LRFN5: variants seen among roughly 807,000 people sequenced by gnomAD.
LRFN5 encodes the protein leucine-rich repeat and fibronectin type-III domain-containing protein 5.
LRFN5 carries 24 observed loss-of-function variants against 45.6 expected under a neutral mutation model. That is an observed-to-expected ratio of 0.53 (90% CI 0.38 to 0.74). The LOEUF (loss-of-function observed/expected upper bound fraction) is 0.74, where lower values mean the gene tolerates loss of function less well. Among genes scored for constraint, LRFN5 ranks in the 30% least tolerant of loss-of-function variants. The pLI is 0.00. For missense variants in LRFN5, 776 were observed against 861.5 expected (o/e 0.90, Z 1.24); for synonymous variants, 340 against 313.8 (o/e 1.08, Z -0.88).
intron 1 of LRFN5, among the ~76,000 whole-genome samples, chr14:41,620,444 C>A (rs1268562693): frequency 2.0e-5 from 3 of 151,896 alleles, no homozygotes; most frequent in Non-Finnish European, 4.4e-5. Flanking sequence ...CTTGTGTATA[C>A]CATTGGTTTT....
chr14:41,613,724 T>G (rs966793580), intron 1 of LRFN5, among the ~76,000 whole-genome samples: 1 of 151,928 alleles, frequency 6.6e-6, no homozygotes, highest in African/African-American at 2.4e-5. Context: ...TTCTGAATTC[T>G]TAGAAAAAAA....
intron 1 of LRFN5, among the ~76,000 whole-genome samples, chr14:41,664,315 A>G (rs1024073814): frequency 2.0e-5 from 3 of 151,984 alleles, no homozygotes; most frequent in South Asian, 2.1e-4. Context: ...GTGGTAACAG[A>G]TGACACAGGA....
At chr14:41,689,956 C>T in intron 1 of LRFN5, among the ~76,000 whole-genome samples, 1 of 148,492 alleles carries the variant, frequency 6.7e-6, no homozygotes, top group Non-Finnish European at 1.5e-5. Flanking sequence ...TAATAATACA[C>T]TTTTGAACTA....
intron 1 of LRFN5, among the ~76,000 whole-genome samples, chr14:41,711,539 C>G (rs1357532036): frequency 3.9e-5 from 6 of 152,176 alleles, no homozygotes; most frequent in Non-Finnish European, 1.5e-5. Flanking sequence ...ATCTCCCCAT[C>G]ATGTAGAATA....
rs1566604371 is a variant in LRFN5, at chr14:41,651,935, C to A, written c.-197+43373C>A. 2.6e-5 allele frequency among the ~76,000 whole-genome samples: 4 copies of A among 152,094 alleles called. No individual in the cohort carries two copies. In the South Asian group the frequency reaches 8.3e-4, roughly 31 times the overall value. On this transcript the variant is annotated intron_variant, in intron 1 of 5. Transcript: ENST00000298119. ...TCTCCCTTTGTCTTAATATGTCTGT[C>A]TGTGTCATAATCTCCACTTCTTGTA...
At chr14:41,634,472 T>C (rs1431798977) in intron 1 of LRFN5, among the ~76,000 whole-genome samples, 1 of 152,150 alleles carries the variant, frequency 6.6e-6, no homozygotes, top group African/African-American at 2.4e-5. Flanking sequence ...GGACATGCAG[T>C]GCTGTTGGCT....
At chr14:41,646,188 T>C (rs1033546591) in intron 1 of LRFN5, among the ~76,000 whole-genome samples, 6 of 152,212 alleles carry the variant, frequency 3.9e-5, no homozygotes, top group African/African-American at 1.2e-4. Flanking sequence ...TATAGTTCTA[T>C]GGAACACTAG....
chr14:41,868,614 T>C (rs1424712939), intron 2 of LRFN5, among the ~76,000 whole-genome samples: 3 of 152,148 alleles, frequency 2.0e-5, no homozygotes, highest in Non-Finnish European at 4.4e-5. Flanking sequence ...CCATGAAATG[T>C]CTTTAGAAGA....
rs763298423 is a variant in LRFN5, at chr14:41,634,406, G to A, written c.-197+25844G>A. On this transcript the variant is annotated intron_variant, in intron 1 of 5. Transcript: ENST00000298119. ...CCTCTGTCTAATGCAGTTTCTCCCC[G>A]TGGAGTCTCCCGATGTTCAAAAAGC... is the stretch of plus-strand genomic sequence containing the variant. 9.9e-5 allele frequency among the ~76,000 whole-genome samples: 15 copies of A among 152,068 alleles called. 1 individual carries two copies. Among genetic ancestry groups the A allele is most frequent in the East Asian group, 1.9e-4 (1 of 5,198 alleles).
intron 1 of LRFN5, among the ~76,000 whole-genome samples, chr14:41,697,647 T>G (rs1882668869): frequency 6.6e-6 from 1 of 151,228 alleles, no homozygotes; most frequent in African/African-American, 2.4e-5. Context: ...TGAATATAGC[T>G]TCACTGCTCT....
At chr14:41,865,471 C>T (rs1889808148) in intron 2 of LRFN5, among the ~76,000 whole-genome samples, 1 of 152,098 alleles carries the variant, frequency 6.6e-6, no homozygotes, top group African/African-American at 2.4e-5. Flanking sequence ...CATTCATCAG[C>T]CGATAGACAT....
At chr14:41,775,093 C>CTTTCTTTTT (rs1555316712) in intron 2 of LRFN5, among the ~76,000 whole-genome samples, 1 of 112,492 alleles carries the variant, frequency 8.9e-6, no homozygotes, top group African/African-American at 3.5e-5. Context: ...TTTTCTTTTT[C>CTTTCTTTTT]TTTTTTTTTT....
At chr14:41,753,226 T>A (rs1232953265) in intron 1 of LRFN5, among the ~76,000 whole-genome samples, 4 of 150,896 alleles carry the variant, frequency 2.7e-5, no homozygotes, top group Non-Finnish European at 1.5e-5. Context: ...TTCTTTTGGC[T>A]TAGGATTGAC....
intron 5 of LRFN5, 91 bp from the exon 6 acceptor site, chr14:41,904,067 A>T (rs1891176497): frequency 8.9e-7 from 1 of 1,122,410 alleles, no homozygotes; most frequent in African/African-American, 1.6e-5. Flanking sequence ...AGTTACTTTT[A>T]GATTGCTAGC....
At chr14:41,701,737 CGTT>C (rs779485523) in intron 1 of LRFN5, among the ~76,000 whole-genome samples, 19 of 152,154 alleles carry the variant, frequency 1.2e-4, no homozygotes, top group Non-Finnish European at 2.6e-4. Flanking sequence ...CAAGAGGACT[CGTT>C]GTTGAGAAGG....
chr14:41,887,907 T>C lies in LRFN5; in HGVS notation c.1282T>C (p.Ser428Pro), dbSNP rs1473776742. 1.2e-6 allele frequency: 2 copies of C among 1,613,882 alleles called. No homozygotes were observed. Among genetic ancestry groups the C allele is most frequent in the Non-Finnish European group, 1.7e-6 (2 of 1,179,924 alleles). Residue 428 changes from serine (S) to proline (P), a missense_variant, in exon 3 of 6, where the codon TCA (serine) becomes CCA (proline). By Grantham distance (74) the Ser-to-Pro change is moderately conservative. This residue lies in a region of LRFN5 where 465 missense variants were observed against 456.4 expected (regional missense o/e 1.02). Transcript: ENST00000298119. This position sits in a 1 kb window ranked among gnomAD's most constrained non-coding sequence, Gnocchi z 4.8. ...TAAAATTGTGGTGGCAGAAGCTACA[T>C]CATCAACGGCACTACTTAAATTTAA... ...QDKIVVAEAT[S>P]STALLKFNFQ...
At chr14:41,753,024 AC>A (rs1426076090) in intron 1 of LRFN5, among the ~76,000 whole-genome samples, 1 of 152,090 alleles carries the variant, frequency 6.6e-6, no homozygotes, top group Non-Finnish European at 1.5e-5. Context: ...AAATAGGGAA[AC>A]CTTCCCCCAT....
chr14:41,773,409 TC>T (rs1265982348), intron 2 of LRFN5, among the ~76,000 whole-genome samples: 1 of 152,210 alleles, frequency 6.6e-6, no homozygotes, highest in Non-Finnish European at 1.5e-5. Flanking sequence ...TATGTTTTTT[TC>T]TTTAGTTGTT....
intron 2 of LRFN5, among the ~76,000 whole-genome samples, chr14:41,811,237 C>T (rs1365350362): frequency 6.6e-6 from 1 of 151,996 alleles, no homozygotes; most frequent in Non-Finnish European, 1.5e-5. Context: ...TTCTCATCCT[C>T]TAAGATGACT....
Sources: gnomAD v4.1 joint callset for allele counts (sites outside exome capture counted in the v4.1 genomes callset) on GRCh38, gnomAD v4.1.1 for gene constraint, gnomAD v4.1.1 regional missense constraint, Gnocchi (gnomAD v3.1) non-coding constraint, MANE v1.5 for transcripts, NCBI Gene and HGNC (gene_info 2026-07-23, HGNC 2026-07-21) for gene names.